TTC28: variants seen among roughly 807,000 people sequenced by gnomAD.
The protein encoded by TTC28 is tetratricopeptide repeat protein 28.
In TTC28, 61 loss-of-function variants were observed where a neutral mutation model predicts 198.0. The observed-to-expected ratio is 0.31, with a 90% CI of 0.25 to 0.38. The LOEUF is 0.38. TTC28 is among the 10% of genes least tolerant of loss of function. The pLI is 1.00. For synonymous variants in TTC28, 1,171 were observed against 1,297.8 expected (o/e 0.90, Z 2.10); for missense variants, 2,678 against 3,164.0 (o/e 0.85, Z 3.69).
intron 5 of TTC28, among the ~76,000 whole-genome samples, chr22:28,177,644 A>T (rs971613604): frequency 2.6e-5 from 4 of 152,230 alleles, no homozygotes; most frequent in African/African-American, 7.2e-5. Context: ...AAACTGTGGG[A>T]TATCCATACA....
chr22:28,414,275 T>G (rs1329758579), intron 2 of TTC28, among the ~76,000 whole-genome samples: 1 of 152,168 alleles, frequency 6.6e-6, no homozygotes, highest in Non-Finnish European at 1.5e-5. Context: ...ATAGCTCTCT[T>G]GAGAGTAATA....
chr22:28,359,522 C>T (rs897066137), intron 2 of TTC28, among the ~76,000 whole-genome samples: 1 of 152,172 alleles, frequency 6.6e-6, no homozygotes, highest in Non-Finnish European at 1.5e-5. Context: ...AAAATAAATG[C>T]CTCTGTATAT....
At chr22:28,233,028 G>A (rs1928936916) in intron 5 of TTC28, among the ~76,000 whole-genome samples, 1 of 151,822 alleles carries the variant, frequency 6.6e-6, no homozygotes, top group Non-Finnish European at 1.5e-5. Context: ...CTTGAACCCG[G>A]GAGGCAGAGG....
chr22:28,644,697 C>A (rs2051426854), intron 1 of TTC28, among the ~76,000 whole-genome samples: 1 of 151,766 alleles, frequency 6.6e-6, no homozygotes. Context: ...TTTACACATG[C>A]CTGTAGTCCC....
At chr22:28,000,195 T>C (rs1266015756) in intron 15 of TTC28, 1 of 152,112 alleles carries the variant, frequency 6.6e-6, no homozygotes, top group East Asian at 1.9e-4. Flanking sequence ...CTAGAGAAAA[T>C]AACTTCTTTC....
At chr22:28,012,406 G>C (rs894329624) in intron 14 of TTC28, among the ~76,000 whole-genome samples, 2 of 152,222 alleles carry the variant, frequency 1.3e-5, no homozygotes, top group African/African-American at 2.4e-5. Context: ...GGAAGGCTTG[G>C]AGGGACAGTG....
intron 2 of TTC28, among the ~76,000 whole-genome samples, chr22:28,523,195 C>G (rs142993782): frequency 1.8e-4 from 27 of 152,174 alleles, no homozygotes; most frequent in Admixed American, 2.6e-4. Context: ...CAAAAGAAAG[C>G]TGGCACAGCT....
chr22:28,039,467 CAAT>C (rs1243657463), intron 12 of TTC28, among the ~76,000 whole-genome samples: 1 of 120,260 alleles, frequency 8.3e-6, no homozygotes, highest in East Asian at 2.8e-4. Context: ...GGGAATTGAA[CAAT>C]GAGAACACTT....
chr22:28,197,567 T>C (rs2147144289), intron 5 of TTC28, among the ~76,000 whole-genome samples: 1 of 152,122 alleles, frequency 6.6e-6, no homozygotes, highest in East Asian at 1.9e-4. Context: ...CTAAAAATGA[T>C]AAAAATCACA....
chr22:28,107,672 T>A lies in TTC28; in HGVS notation c.2173A>T (p.Ile725Phe), dbSNP rs1436257634. ...RALGNLGDIF[I>F]CKKDINGAIK... ...GCACCATTTATATCTTTTTTACAGA[T>A]GAATATATCGCCCAGGTTTCCTAGG... Residue 725 changes from isoleucine (I) to phenylalanine (F), a missense_variant, in exon 7 of 23, where the codon ATC becomes TTC. By Grantham distance (21) the Ile-to-Phe change is conservative (BLOSUM62 0). Transcript: ENST00000397906. The A allele has an allele frequency of 3.9e-6, 6 of 1,551,682 alleles. No individual in the cohort carries two copies. The African/African-American group carries it at 5.5e-5, about 14-fold the overall frequency.
intron 2 of TTC28, among the ~76,000 whole-genome samples, chr22:28,424,469 T>G (rs1195827379): frequency 6.6e-6 from 1 of 152,316 alleles, no homozygotes; most frequent in East Asian, 1.9e-4. Flanking sequence ...TAATTAAATA[T>G]TAATATATGT....
intron 2 of TTC28, among the ~76,000 whole-genome samples, chr22:28,511,832 A>G (rs1462619472): frequency 1.3e-4 from 19 of 151,976 alleles, no homozygotes; most frequent in Non-Finnish European, 2.4e-4. Flanking sequence ...AAAAGAAAAA[A>G]AAAAAACACC....
At chr22:28,628,698 G>A (rs1035507614) in intron 2 of TTC28, among the ~76,000 whole-genome samples, 4 of 152,054 alleles carry the variant, frequency 2.6e-5, no homozygotes, top group Non-Finnish European at 5.9e-5. Context: ...CCAGCACTTC[G>A]GGAGACCGAG....
intron 2 of TTC28, among the ~76,000 whole-genome samples, chr22:28,410,434 A>T (rs1490170150): frequency 6.6e-6 from 1 of 152,210 alleles, no homozygotes; most frequent in Non-Finnish European, 1.5e-5. Context: ...GTTTATCTAT[A>T]TTCATCTTAA....
chr22:28,193,836 T>C (rs1158847982), intron 5 of TTC28, among the ~76,000 whole-genome samples: 1 of 152,068 alleles, frequency 6.6e-6, no homozygotes, highest in East Asian at 1.9e-4. Context: ...GCAAGAATAA[T>C]GAGAGACTTT....
intron 12 of TTC28, among the ~76,000 whole-genome samples, chr22:28,080,628 T>C (rs1285388216): frequency 1.3e-5 from 2 of 152,220 alleles, no homozygotes; most frequent in East Asian, 1.9e-4. Context: ...CTCCCATTCA[T>C]AGGCTGCCTT....
At position 28,110,211 on chromosome 22, in the gene TTC28, T is replaced by C. The variant is rs887287213; in HGVS notation, c.1442-1808A>G. Among the ~76,000 whole-genome samples the C allele has an allele frequency of 8.7e-4, 133 of 152,292 alleles. 1 individual carries two copies. The highest frequency in any genetic ancestry group is 3.0e-3 in the African/African-American group (126 of 41,562). The stretch of plus-strand genomic sequence containing the variant: ...CACTCTGCTGGTCCTGACTCCTCCC[T>C]TGCATGCTGTGGAGATCTGCCCTGC... On this transcript the variant is annotated intron_variant, in intron 6 of 22. Coordinates refer to ENST00000397906, the MANE Select transcript of TTC28 (RefSeq NM_001145418.2).
intron 2 of TTC28, among the ~76,000 whole-genome samples, chr22:28,580,075 C>T (rs962161386): frequency 2.0e-5 from 3 of 151,980 alleles, no homozygotes; most frequent in Admixed American, 6.6e-5. Flanking sequence ...TTGATAAAGT[C>T]AGCAATAAGG....
intron 2 of TTC28, among the ~76,000 whole-genome samples, chr22:28,531,671 C>T (rs544030678): frequency 1.3e-5 from 2 of 152,220 alleles, no homozygotes; most frequent in Admixed American, 6.5e-5. Context: ...AAAGCACTCC[C>T]CAGCAAATGT....
Sources: gnomAD v4.1 joint callset for allele counts (sites outside exome capture counted in the v4.1 genomes callset) on GRCh38, gnomAD v4.1.1 for gene constraint, MANE v1.5 for transcripts, NCBI Gene and HGNC (gene_info 2026-07-23, HGNC 2026-07-21) for gene names.